The following MCTP2 variants were observed in gnomAD, a reference collection of about 807,000 sequenced individuals.
MCTP2 encodes the protein multiple C2 and transmembrane domain-containing protein 2.
In MCTP2, 132 loss-of-function variants were observed where a neutral mutation model predicts 111.6. The observed-to-expected ratio is 1.18, with a 90% CI of 1.03 to 1.37. The LOEUF is 1.37. Ranked by LOEUF, MCTP2 falls within the 40% of genes most tolerant of loss-of-function variation. The probability of loss-of-function intolerance (pLI) is 0.00; values close to 1 mark genes in which losing one functional copy is unlikely to be tolerated. For missense variants in MCTP2, 1,183 were observed against 1,067.9 expected, an observed-to-expected ratio of 1.11 and a Z score of -1.50; for synonymous variants, 395 against 387.7, an observed-to-expected ratio of 1.02 and a Z score of -0.22.
intron 2 of MCTP2, among the ~76,000 whole-genome samples, chr15:94,303,842 C>T (rs2075761602): frequency 6.6e-6 from 1 of 152,148 alleles, no homozygotes; most frequent in Non-Finnish European, 1.5e-5. Context: ...GTATAATCAG[C>T]CTGCCTTCAT....
At chr15:94,438,075 A>T (rs772809065) in intron 17 of MCTP2, among the ~76,000 whole-genome samples, 1 of 152,122 alleles carries the variant, frequency 6.6e-6, no homozygotes. Flanking sequence ...AGAACACTGA[A>T]CATTAAAGGT....
chr15:94,371,502 G>T (rs530750389), intron 12 of MCTP2, among the ~76,000 whole-genome samples: 1 of 151,982 alleles, frequency 6.6e-6, no homozygotes, highest in African/African-American at 2.4e-5. Flanking sequence ...AGCGCTTTTC[G>T]AATGCACTGT....
chr15:94,468,499 A>G (rs1428623504), intron 20 of MCTP2, among the ~76,000 whole-genome samples: 1 of 152,160 alleles, frequency 6.6e-6, no homozygotes, highest in Non-Finnish European at 1.5e-5. Flanking sequence ...AAAGGTTAGA[A>G]ATCATAGAGA....
Position 94,244,235 on chromosome 15 carries a change from T to TAC in MCTP2, c.-66+12574_-66+12575dup, listed in dbSNP as rs1261826551. ...ACATACATATGTGTATATATTTATA[T>TAC]ACACGTGTATACACATATGTGTATA... On this transcript the variant is annotated intron_variant, in intron 1 of 22. Coordinates refer to ENST00000357742, the MANE Select transcript of MCTP2 (RefSeq NM_001385001.1). 8.3e-5 allele frequency among the ~76,000 whole-genome samples: 10 copies of TAC among 119,966 alleles called. 1 individual carries two copies. The highest frequency in any genetic ancestry group is 1.5e-4 in the Admixed American group (2 of 12,958). 78.7% of individuals were successfully genotyped at this position (119,966 alleles called of 152,430 possible).
chr15:94,314,174 A>G (rs2076274643), intron 2 of MCTP2, 108 bp from the exon 3 acceptor site: 3 of 724,388 alleles, frequency 4.1e-6, no homozygotes, highest in Admixed American at 4.9e-5. Flanking sequence ...CTGAAGCTGC[A>G]TATGCAAATA....
intron 4 of MCTP2, among the ~76,000 whole-genome samples, chr15:94,338,170 G>T (rs2077457008): frequency 6.6e-6 from 1 of 152,102 alleles, no homozygotes; most frequent in Non-Finnish European, 1.5e-5. Flanking sequence ...ATATTCTGGG[G>T]GCCTATCTTG....
intron 19 of MCTP2, among the ~76,000 whole-genome samples, chr15:94,457,736 C>G (rs1364806145): frequency 6.6e-6 from 1 of 152,200 alleles, no homozygotes; most frequent in Non-Finnish European, 1.5e-5. Context: ...ATGCCAGGAA[C>G]ATCTCTGAAG....
At chr15:94,299,305 C>G (rs1397830173) in intron 2 of MCTP2, among the ~76,000 whole-genome samples, 2 of 151,684 alleles carry the variant, frequency 1.3e-5, no homozygotes, top group African/African-American at 4.8e-5. Context: ...CTAACTTTTC[C>G]TGGAATTTTT....
intron 1 of MCTP2, among the ~76,000 whole-genome samples, chr15:94,295,118 A>G (rs1319671488): frequency 1.3e-5 from 2 of 151,162 alleles, no homozygotes; most frequent in East Asian, 3.9e-4. Flanking sequence ...CTGGCTAATT[A>G]TTTATATTTT....
intron 1 of MCTP2, among the ~76,000 whole-genome samples, chr15:94,290,927 G>T (rs7497738): frequency 5.9e-5 from 9 of 151,976 alleles, no homozygotes; most frequent in Non-Finnish European, 1.3e-4. Context: ...TAACTGAAAG[G>T]AGAAGTAGAG....
In MCTP2 at chr15:94,367,802, T is replaced by C; in HGVS notation, c.1488+11T>C. The C allele has an allele frequency of 6.3e-7, 1 of 1,595,118 alleles. No homozygotes were observed. The highest frequency in any genetic ancestry group is 1.1e-5 in the South Asian group (1 of 88,134). On this transcript the variant is annotated intron_variant, in intron 11 of 22. Coordinates refer to ENST00000357742, the MANE Select transcript of MCTP2 (RefSeq NM_001385001.1). ...ATTACCCAGCGATATGTGAGTGTTT[T>C]TCCTTATTGTACACTCCCCCTCCTC...
At chr15:94,297,071 C>T (rs1002935100) in intron 1 of MCTP2, among the ~76,000 whole-genome samples, 12 of 152,226 alleles carry the variant, frequency 7.9e-5, no homozygotes, top group African/African-American at 2.7e-4. Flanking sequence ...TGTGGAAGCT[C>T]TTGGCCTCTT....
At position 94,236,390 on chromosome 15, in the gene MCTP2, T is replaced by C. The variant is rs987647616; in HGVS notation, c.-66+4726T>C. 2.7e-4 allele frequency among the ~76,000 whole-genome samples: 38 copies of C among 139,834 alleles called. 1 individual carries two copies. Among genetic ancestry groups the C allele is most frequent in the South Asian group, 1.7e-3 (7 of 4,172 alleles). 91.7% of individuals were successfully genotyped at this position (139,834 alleles called of 152,430 possible). On this transcript the variant is annotated intron_variant, in intron 1 of 22. Coordinates refer to ENST00000357742, the MANE Select transcript of MCTP2 (RefSeq NM_001385001.1). ...TTTCTTTTTTTTCTTTTTTTTTTTT[T>C]TTTTTTTTTTTTTTTACGAAATAGC...
intron 17 of MCTP2, 143 bp downstream of exon 17, chr15:94,402,162 T>G: frequency 7.5e-7 from 1 of 1,330,278 alleles, no homozygotes; most frequent in Non-Finnish European, 1.0e-6. Flanking sequence ...GGAAACCCCT[T>G]AAATTACCCA....
chr15:94,270,525 G>A (rs1272360280), intron 1 of MCTP2, among the ~76,000 whole-genome samples: 2 of 152,072 alleles, frequency 1.3e-5, no homozygotes, highest in Non-Finnish European at 2.9e-5. Flanking sequence ...GCGATCTCCT[G>A]CTCCCCTTTG....
chr15:94,478,547 G>A (rs1216645375), intron 22 of MCTP2, among the ~76,000 whole-genome samples: 1 of 152,176 alleles, frequency 6.6e-6, no homozygotes, highest in African/African-American at 2.4e-5. Context: ...CAAAGTAAAT[G>A]TGTATAATTT....
chr15:94,399,886 A>G, intron 15 of MCTP2, 35 bp from the exon 16 acceptor site: 1 of 1,586,736 alleles, frequency 6.3e-7, no homozygotes, highest in Non-Finnish European at 8.7e-7. Context: ...GTCCCTATAC[A>G]TGCTGCCCTT....
Position 94,332,066 on chromosome 15 carries a change from C to G in MCTP2, c.638-7224C>G, listed in dbSNP as rs2077156667. Among the ~76,000 whole-genome samples, 4 of 152,276 alleles carry G rather than the reference C, an allele frequency of 2.6e-5. No homozygotes were observed. The South Asian group carries it at 8.3e-4, about 32-fold the overall frequency. ...TGGAATTCTGCTGCTTTGAATCTAC[C>G]ACTATCTGAAGTAATATAGATTTTT... On this transcript the variant is annotated intron_variant, in intron 4 of 22. Coordinates refer to ENST00000357742, the MANE Select transcript of MCTP2 (RefSeq NM_001385001.1).
At chr15:94,320,443 A>T (rs1458377945) in intron 4 of MCTP2, among the ~76,000 whole-genome samples, 1 of 152,132 alleles carries the variant, frequency 6.6e-6, no homozygotes, top group Non-Finnish European at 1.5e-5. Context: ...GCCTGGCCCT[A>T]GTTTATTAAT....
Sources: gnomAD v4.1 joint callset for allele counts (sites outside exome capture counted in the v4.1 genomes callset) on GRCh38, gnomAD v4.1.1 for gene constraint, MANE v1.5 for transcripts, NCBI Gene and HGNC (gene_info 2026-07-23, HGNC 2026-07-21) for gene names.